NRG3: variants seen among roughly 807,000 people sequenced by gnomAD.
NRG3 encodes pro-neuregulin-3, membrane-bound isoform.
Under a neutral mutation model 66.9 loss-of-function variants are expected in NRG3, and 31 were observed. The ratio of observed to expected loss-of-function variants is 0.46; its 90% confidence interval spans 0.35 to 0.63. The LOEUF (loss-of-function observed/expected upper bound fraction) is 0.63. NRG3 is among the 20% of genes least tolerant of loss of function. NRG3 has a pLI of 0.00. For missense variants in NRG3, 910 were observed against 878.9 expected (o/e 1.04, Z -0.45); for synonymous variants, 393 against 359.4 (o/e 1.09, Z -1.06).
intron 2 of NRG3, among the ~76,000 whole-genome samples, chr10:82,578,485 G>T (rs1321590383): frequency 6.6e-6 from 1 of 151,282 alleles, no homozygotes; most frequent in Non-Finnish European, 1.5e-5. Context: ...TAAAAAACAG[G>T]TAATGTGCCA....
chr10:82,701,070 G>A (rs2055835314), intron 2 of NRG3, among the ~76,000 whole-genome samples: 1 of 151,818 alleles, frequency 6.6e-6, no homozygotes, highest in Non-Finnish European at 1.5e-5. Context: ...TATTATAGAT[G>A]AAGATATTTT....
intron 3 of NRG3, among the ~76,000 whole-genome samples, chr10:82,853,115 A>G (rs1236993308): frequency 1.3e-5 from 2 of 152,200 alleles, no homozygotes; most frequent in African/African-American, 4.8e-5. Context: ...AATAAATTAT[A>G]TAATTCCAAA....
intron 2 of NRG3, among the ~76,000 whole-genome samples, chr10:82,669,183 T>C (rs2134020511): frequency 6.6e-6 from 1 of 151,690 alleles, no homozygotes; most frequent in South Asian, 2.1e-4. Context: ...AAGGAGCAGT[T>C]AGGGAGTTTC....
At chr10:82,526,561 A>G (rs1476704999) in intron 2 of NRG3, among the ~76,000 whole-genome samples, 1 of 151,946 alleles carries the variant, frequency 6.6e-6, no homozygotes, top group Admixed American at 6.6e-5. Context: ...ATAGTAATCA[A>G]AAGTACAAAT....
At chr10:82,055,665 A>G (rs1377465638) in intron 1 of NRG3, among the ~76,000 whole-genome samples, 1 of 152,192 alleles carries the variant, frequency 6.6e-6, no homozygotes, top group Admixed American at 6.6e-5. Flanking sequence ...GGTGATAATT[A>G]GAATAGGAAG....
intron 1 of NRG3, among the ~76,000 whole-genome samples, chr10:82,057,973 C>CT (rs11323372): frequency 1.8e-4 from 25 of 140,750 alleles, no homozygotes; most frequent in Non-Finnish European, 2.8e-4. Context: ...TCTTTCCTTT[C>CT]TTTTTTTTTT....
chr10:82,304,116 C>T (rs1462981570), intron 1 of NRG3, among the ~76,000 whole-genome samples: 1 of 152,154 alleles, frequency 6.6e-6, no homozygotes, highest in Non-Finnish European at 1.5e-5. Flanking sequence ...CTACAATCAA[C>T]ATTTCCACTA....
At chr10:81,945,537 A>T (rs1179081574) in intron 1 of NRG3, among the ~76,000 whole-genome samples, 2 of 152,164 alleles carry the variant, frequency 1.3e-5, no homozygotes, top group African/African-American at 4.8e-5. Context: ...AGAACACATA[A>T]TATCTTTGCT....
rs372281165 is a variant in NRG3 at position 82,346,772 on chromosome 10, T to C, written c.824-11967T>C. ...GTTATTGGTCTATTCAGAGATTCAA[T>C]TTCTTCCTGGTTTAGTCTTGGGAGA... On this transcript the variant is annotated intron_variant, in intron 1 of 8. Coordinates refer to ENST00000372141, the MANE Select transcript of NRG3 (RefSeq NM_001010848.4). 6.5e-3 allele frequency among the ~76,000 whole-genome samples: 988 copies of C among 151,942 alleles called. 6 individuals are homozygous for C. The highest frequency in any genetic ancestry group is 0.035 in the Middle Eastern group (10 of 284).
intron 4 of NRG3, among the ~76,000 whole-genome samples, chr10:82,931,690 T>G (rs966747572): frequency 2.6e-5 from 4 of 152,194 alleles, no homozygotes; most frequent in African/African-American, 7.2e-5. Flanking sequence ...TTTTGCTTTG[T>G]TGTTGTTTTT....
chr10:82,255,625 CAG>C (rs2077686546), intron 1 of NRG3, among the ~76,000 whole-genome samples: 1 of 151,960 alleles, frequency 6.6e-6, no homozygotes, highest in African/African-American at 2.4e-5. Context: ...ACAAAAAACA[CAG>C]AGTCTTGCTC....
intron 2 of NRG3, among the ~76,000 whole-genome samples, chr10:82,549,696 C>T (rs369764987): frequency 2.0e-5 from 3 of 152,070 alleles, no homozygotes; most frequent in African/African-American, 4.8e-5. Context: ...ATGCAGGGCC[C>T]GGAGGGGATT....
intron 2 of NRG3, among the ~76,000 whole-genome samples, chr10:82,575,586 A>G (rs1163189639): frequency 6.6e-6 from 1 of 151,682 alleles, no homozygotes; most frequent in Non-Finnish European, 1.5e-5. Flanking sequence ...GATGCAGAAC[A>G]ATTGTTCTGA....
chr10:82,493,629 C>A lies in NRG3; in HGVS notation c.953+134761C>A, dbSNP rs577672871. Reference sequence around the variant, plus strand: ...TCTTTGTAACAGAGTAATTTATATTCCTCTAGGTATATACCTAGAAGAAAA... The same window carrying A: ...TCTTTGTAACAGAGTAATTTATATTACTCTAGGTATATACCTAGAAGAAAA... On this transcript the variant is annotated intron_variant, in intron 2 of 8. Coordinates refer to ENST00000372141, the MANE Select transcript of NRG3 (RefSeq NM_001010848.4). 1.1e-3 allele frequency among the ~76,000 whole-genome samples: 165 copies of A among 152,196 alleles called. 1 individual carries two copies. The highest frequency in any genetic ancestry group is 3.7e-3 in the African/African-American group (154 of 41,522).
chr10:82,387,226 C>T (rs956380756), intron 2 of NRG3, among the ~76,000 whole-genome samples: 20 of 152,060 alleles, frequency 1.3e-4, no homozygotes, highest in African/African-American at 4.6e-4. Context: ...TACTTTTAAA[C>T]TTATATTGGC....
chr10:82,525,888 A>G (rs1156674483), intron 2 of NRG3, among the ~76,000 whole-genome samples: 1 of 151,954 alleles, frequency 6.6e-6, no homozygotes, highest in East Asian at 1.9e-4. Context: ...ACAAAATACA[A>G]CTTGTAGAAA....
At chr10:81,967,834 A>G (rs1448836846) in intron 1 of NRG3, among the ~76,000 whole-genome samples, 1 of 152,112 alleles carries the variant, frequency 6.6e-6, no homozygotes, top group African/African-American at 2.4e-5. Flanking sequence ...GTCTCTTTTG[A>G]CTGCATATGG....
chr10:82,596,204 T>C (rs2047268088), intron 2 of NRG3, among the ~76,000 whole-genome samples: 1 of 152,162 alleles, frequency 6.6e-6, no homozygotes, highest in Non-Finnish European at 1.5e-5. Flanking sequence ...AAAGACCCGG[T>C]AGCCGCTTCA....
intron 3 of NRG3, among the ~76,000 whole-genome samples, chr10:82,835,173 G>T (rs2062712030): frequency 6.6e-6 from 1 of 152,100 alleles, no homozygotes; most frequent in African/African-American, 2.4e-5. Context: ...TCAGAGCAAA[G>T]TATGGTCCTG....
Sources: allele counts gnomAD v4.1 joint callset (sites outside exome capture counted in the v4.1 genomes callset), GRCh38; gene constraint gnomAD v4.1.1; transcripts MANE v1.5; gene names NCBI Gene and HGNC (gene_info 2026-07-23, HGNC 2026-07-21).